Variants in EVA1C observed in about 807,000 individuals in gnomAD.
The protein encoded by EVA1C is protein eva-1 homolog C.
In EVA1C, 25 loss-of-function variants were observed where a neutral mutation model predicts 45.4. That is an observed-to-expected ratio of 0.55 (90% CI 0.40 to 0.77). EVA1C has a LOEUF of 0.77. Among genes scored for constraint, EVA1C ranks in the 30% least tolerant of loss-of-function variants. The pLI is 0.00. For missense variants in EVA1C, 479 were observed against 554.8 expected (o/e 0.86, Z 1.37); for synonymous variants, 190 against 221.2 (o/e 0.86, Z 1.25).
intron 1 of EVA1C, among the ~76,000 whole-genome samples, chr21:32,435,331 A>G (rs372738319): frequency 0.012 from 1,189 of 99,810 alleles, no homozygotes; most frequent in East Asian, 0.04. Flanking sequence ...TGGGATTACA[A>G]GTGTGAGCCA....
At chr21:32,412,143 T>C (rs1266649078), upstream of EVA1C, 1 of 152,254 alleles carries the variant, frequency 6.6e-6, no homozygotes, top group Non-Finnish European at 1.5e-5. Flanking sequence ...CTGCGAGAGC[T>C]TGGGCACGGC....
intron 4 of EVA1C, among the ~76,000 whole-genome samples, chr21:32,492,252 A>G (rs2037184396): frequency 6.6e-6 from 1 of 152,062 alleles, no homozygotes; most frequent in Non-Finnish European, 1.5e-5. Flanking sequence ...AGAGATAGGG[A>G]AGGATTAGGA....
intron 5 of EVA1C, among the ~76,000 whole-genome samples, chr21:32,500,090 A>G (rs2037477565): frequency 6.6e-6 from 1 of 152,080 alleles, no homozygotes; most frequent in Admixed American, 6.6e-5. Flanking sequence ...AGAAAGCAGA[A>G]GAGTAGGTGC....
At chr21:32,503,819 CT>C (rs1228956994) in intron 6 of EVA1C, 106 bp from the exon 7 acceptor site, 3 of 692,830 alleles carry the variant, frequency 4.3e-6, no homozygotes, top group Non-Finnish European at 7.3e-6. Context: ...ATTTCTGTGA[CT>C]TTTAATTATT....
chr21:32,501,620 G>A (rs1228207903), intron 6 of EVA1C, 125 bp downstream of exon 6: 26 of 1,223,806 alleles, frequency 2.1e-5, no homozygotes, highest in South Asian at 6.5e-5. Context: ...TTGAGGTACC[G>A]GTCCTGGTGA....
chr21:32,503,651 C>T (rs985478173), intron 6 of EVA1C, among the ~76,000 whole-genome samples: 2 of 152,166 alleles, frequency 1.3e-5, no homozygotes, highest in Non-Finnish European at 2.9e-5. Context: ...TATTCCCTTC[C>T]ACAGTGGAGT....
chr21:32,506,022 G>C (rs1173749899), intron 7 of EVA1C, among the ~76,000 whole-genome samples: 1 of 151,908 alleles, frequency 6.6e-6, no homozygotes, highest in East Asian at 1.9e-4. Flanking sequence ...CTAATACAAG[G>C]CTTGCACTCC....
At chr21:32,490,261 C>A (rs957604951) in intron 4 of EVA1C, among the ~76,000 whole-genome samples, 2 of 152,194 alleles carry the variant, frequency 1.3e-5, no homozygotes, top group Non-Finnish European at 2.9e-5. Flanking sequence ...TGGCACCCAC[C>A]ATTCCACTTT....
chr21:32,462,213 C>T (rs1329579756), intron 3 of EVA1C, among the ~76,000 whole-genome samples: 1 of 148,886 alleles, frequency 6.7e-6, no homozygotes, highest in Non-Finnish European at 1.5e-5. Context: ...TAGGGAGACC[C>T]CTATCTCTAA....
intron 4 of EVA1C, among the ~76,000 whole-genome samples, chr21:32,483,262 T>A (rs1207630689): frequency 6.6e-6 from 1 of 152,212 alleles, no homozygotes; most frequent in East Asian, 1.9e-4. Flanking sequence ...AAGCCCTGAT[T>A]TGAATGTGGG....
At chr21:32,488,841 C>T (rs1172841906) in intron 4 of EVA1C, among the ~76,000 whole-genome samples, 2 of 143,462 alleles carry the variant, frequency 1.4e-5, no homozygotes, top group African/African-American at 2.6e-5. Flanking sequence ...CCACCTTGGC[C>T]TCCCAAAGTG....
At chr21:32,416,157 A>C (rs1200299740) in intron 1 of EVA1C, among the ~76,000 whole-genome samples, 1 of 151,366 alleles carries the variant, frequency 6.6e-6, no homozygotes, top group Non-Finnish European at 1.5e-5. Flanking sequence ...GTGGTGTTTC[A>C]GTGTGTCTCT....
chr21:32,419,480 C>T (rs1335793388), intron 1 of EVA1C, among the ~76,000 whole-genome samples: 2 of 152,060 alleles, frequency 1.3e-5, no homozygotes, highest in Non-Finnish European at 2.9e-5. Context: ...TTTGGGAGGC[C>T]GAGGCAGGTG....
chr21:32,413,038 T>G (rs1313967956), intron 1 of EVA1C, 25 bp downstream of exon 1: 1 of 1,366,080 alleles, frequency 7.3e-7, no homozygotes, highest in Non-Finnish European at 9.5e-7. Flanking sequence ...CCTGGCTGTG[T>G]GCCCCCGGCA....
chr21:32,483,961 T>C (rs2036881317), intron 4 of EVA1C, among the ~76,000 whole-genome samples: 1 of 110,038 alleles, frequency 9.1e-6, no homozygotes, highest in Non-Finnish European at 1.8e-5. Flanking sequence ...CCTCACTGTT[T>C]ATGTGTGTGT....
intron 1 of EVA1C, among the ~76,000 whole-genome samples, chr21:32,442,650 G>T (rs1365420563): frequency 2.0e-5 from 3 of 149,570 alleles, no homozygotes; most frequent in Non-Finnish European, 4.4e-5. Flanking sequence ...ACCAAGTGGA[G>T]GGTGGCAGGT....
At chr21:32,427,276 T>C (rs1228670094) in intron 1 of EVA1C, among the ~76,000 whole-genome samples, 1 of 152,198 alleles carries the variant, frequency 6.6e-6, no homozygotes, top group Non-Finnish European at 1.5e-5. Flanking sequence ...ATGTATATAA[T>C]ACATTTGTTT....
chr21:32,434,227 C>T (rs544982057), intron 1 of EVA1C, among the ~76,000 whole-genome samples: 5 of 148,874 alleles, frequency 3.4e-5, no homozygotes, highest in African/African-American at 1.2e-4. Flanking sequence ...ACCCGGGAGG[C>T]GGAAGTGGCA....
chr21:32,426,254 C>T lies in EVA1C; in HGVS notation c.160+13241C>T, dbSNP rs562294334. 2.0e-5 allele frequency among the ~76,000 whole-genome samples: 3 copies of T among 152,238 alleles called. No individual in the cohort carries two copies. In the South Asian group the frequency reaches 6.2e-4, roughly 32 times the overall value. On this transcript the variant is annotated intron_variant, in intron 1 of 7. Coordinates refer to ENST00000300255, the MANE Select transcript of EVA1C (RefSeq NM_058187.5). ...TCATTAACGTCAAAGTGAAATATTG[C>T]TCTGGAGAGGTGTTCAGACTTGAAG...
Sources: allele counts gnomAD v4.1 joint callset (sites outside exome capture counted in the v4.1 genomes callset), GRCh38; gene constraint gnomAD v4.1.1; transcripts MANE v1.5; gene names NCBI Gene and HGNC (gene_info 2026-07-23, HGNC 2026-07-21).